The following REEP5 variants were observed in gnomAD, a reference collection of about 807,000 sequenced individuals.
REEP5 encodes the protein receptor accessory protein 5.
REEP5 carries 24 observed loss-of-function variants against 22.4 expected under a neutral mutation model. The ratio of observed to expected loss-of-function variants is 1.07; its 90% CI spans 0.78 to 1.51. The LOEUF (loss-of-function observed/expected upper bound fraction) is 1.51. Ranked by LOEUF, REEP5 falls within the 40% of genes most tolerant of loss-of-function variation. The probability of loss-of-function intolerance (pLI) is 0.00; values close to 1 mark genes in which losing one functional copy is unlikely to be tolerated. For missense variants in REEP5, 252 were observed against 233.0 expected (o/e 1.08, Z -0.53); for synonymous variants, 103 against 88.6 (o/e 1.16, Z -0.92).
intron 2 of REEP5, among the ~76,000 whole-genome samples, chr5:112,910,273 G>T (rs468783): frequency 0.36 from 54,090 of 151,946 alleles, 9,953 homozygotes; most frequent in African/African-American, 0.45. Context: ...CTGCACTCCA[G>T]CCTGGGCGAC....
chr5:112,890,316 A>G (rs1055897266), intron 3 of REEP5, among the ~76,000 whole-genome samples: 2 of 150,306 alleles, frequency 1.3e-5, no homozygotes, highest in Non-Finnish European at 2.9e-5. Flanking sequence ...GTTGATATAT[A>G]AAACAACCTA....
intron 2 of REEP5, among the ~76,000 whole-genome samples, chr5:112,908,101 G>GTTTTTT (rs1047059353): frequency 4.8e-5 from 4 of 83,890 alleles, no homozygotes; most frequent in Non-Finnish European, 1.1e-4. Flanking sequence ...TTTGTTTTTT[G>GTTTTTT]TTTTTTTTTT....
At chr5:112,909,678 A>G (rs1180546955) in intron 2 of REEP5, among the ~76,000 whole-genome samples, 1 of 152,206 alleles carries the variant, frequency 6.6e-6, no homozygotes, top group Non-Finnish European at 1.5e-5. Context: ...ATATATGAAC[A>G]CAACTCACTG....
chr5:112,888,461 C>A (rs933435575), intron 3 of REEP5, among the ~76,000 whole-genome samples: 2 of 152,218 alleles, frequency 1.3e-5, no homozygotes, highest in South Asian at 2.1e-4. Context: ...CTTGCTCTGT[C>A]ACCCAGGCTG....
intron 4 of REEP5, among the ~76,000 whole-genome samples, chr5:112,879,975 A>G (rs1580726261): frequency 6.6e-6 from 1 of 152,226 alleles, no homozygotes; most frequent in East Asian, 1.9e-4. Context: ...ACCTAATGCA[A>G]CATGAATGCT....
At chr5:112,918,981 CAG>C (rs1769289615) in intron 2 of REEP5, among the ~76,000 whole-genome samples, 1 of 152,230 alleles carries the variant, frequency 6.6e-6, no homozygotes, top group African/African-American at 2.4e-5. Flanking sequence ...TCAACAAGGA[CAG>C]AGAGTATGAC....
At position 112,922,083 on chromosome 5, in the gene REEP5, G is replaced by T; in HGVS notation, c.108C>A (p.Phe36Leu). ...CCCCCGGCCACCCACCAAGAGCGAT[G>T]AAGCTCCTGTTCACGCCGGTTTTGG... ...LEAKTGVNRSFIALGVIGLVA... is the reference protein window; with the variant it reads ...LEAKTGVNRSLIALGVIGLVA... Residue 36 changes from phenylalanine (F) to leucine (L), a missense_variant, in exon 1 of 5, where the codon TTC becomes TTA. Coordinates refer to ENST00000379638, the MANE Select transcript of REEP5 (RefSeq NM_005669.5). The T allele has an allele frequency of 1.2e-6, 2 of 1,600,138 alleles. No homozygotes were observed. Among genetic ancestry groups the T allele is most frequent in the South Asian group, 1.1e-5 (1 of 89,378 alleles).
rs1174131771 is a variant in REEP5 at position 112,877,102 on chromosome 5, T to C, written c.*1684A>G. 2.0e-5 allele frequency: 3 copies of C among 152,150 alleles called. No homozygotes were observed. The highest frequency in any genetic ancestry group is 2.9e-5 in the Non-Finnish European group (2 of 68,014). The allele number at this position is 152,150 out of a possible 1,614,324, so 9.4% of individuals were successfully genotyped here. ...AAAGTTGATTTTCTCCCAAGAACAA[T>C]TTTGTTTGCTTTCTACAAAGTTTTA... is the stretch of plus-strand genomic sequence containing the variant. On this transcript the variant is annotated 3_prime_UTR_variant, in exon 5 of 5. Transcript: ENST00000379638.
chr5:112,879,667 G>A (rs1768010339), intron 4 of REEP5, among the ~76,000 whole-genome samples: 1 of 151,766 alleles, frequency 6.6e-6, no homozygotes, highest in Non-Finnish European at 1.5e-5. Flanking sequence ...TAGTAGAGAT[G>A]GGGTTTCACT....
chr5:112,887,519 T>C (rs910126714), intron 3 of REEP5, among the ~76,000 whole-genome samples: 4 of 152,158 alleles, frequency 2.6e-5, no homozygotes, highest in African/African-American at 9.7e-5. Context: ...TTTAAGAAAA[T>C]ATAGTACTTA....
At chr5:112,910,817 C>T (rs567815187) in intron 2 of REEP5, among the ~76,000 whole-genome samples, 15 of 152,312 alleles carry the variant, frequency 9.8e-5, no homozygotes, top group Middle Eastern at 3.4e-3. Flanking sequence ...ATTAGCCAGT[C>T]CTTCCTACTC....
At chr5:112,894,411 C>CT (rs1345060668) in intron 3 of REEP5, 2 of 152,218 alleles carry the variant, frequency 1.3e-5, no homozygotes, top group Non-Finnish European at 2.9e-5. Context: ...CCACTGCACC[C>CT]TGCTGCCTTT....
At chr5:112,917,705 G>A (rs548075133) in intron 2 of REEP5, among the ~76,000 whole-genome samples, 11 of 152,250 alleles carry the variant, frequency 7.2e-5, no homozygotes, top group African/African-American at 2.4e-4. Context: ...CCCTCCAGAG[G>A]ACTCTTATTT....
intron 2 of REEP5, among the ~76,000 whole-genome samples, chr5:112,912,276 T>G (rs1430322113): frequency 6.6e-6 from 1 of 152,176 alleles, no homozygotes; most frequent in African/African-American, 2.4e-5. Flanking sequence ...TGTGCATGGT[T>G]CATAAGTAAC....
At position 112,917,875 on chromosome 5, in the gene REEP5, T is replaced by C. The variant is rs578023210; in HGVS notation, c.212+3288A>G. Among the ~76,000 whole-genome samples, 4 of 152,288 alleles carry C rather than the reference T, an allele frequency of 2.6e-5. No homozygotes were observed. The East Asian group carries it at 7.7e-4, about 29-fold the overall frequency. ...AGGAGGAATAGGGAGTGATTGGTGATGGTTTCCCTTTGGGGTGATAAAAAT... is the reference window on the plus strand; with the variant it reads ...AGGAGGAATAGGGAGTGATTGGTGACGGTTTCCCTTTGGGGTGATAAAAAT... On this transcript the variant is annotated intron_variant, in intron 2 of 4. Coordinates refer to ENST00000379638, the MANE Select transcript of REEP5 (RefSeq NM_005669.5).
chr5:112,880,999 C>T (rs1047662552), intron 4 of REEP5, among the ~76,000 whole-genome samples: 1 of 151,892 alleles, frequency 6.6e-6, no homozygotes, highest in Non-Finnish European at 1.5e-5. Flanking sequence ...CGTGGTGGCC[C>T]ACACCTGTAA....
intron 3 of REEP5, among the ~76,000 whole-genome samples, chr5:112,901,631 G>C (rs1410247133): frequency 6.6e-6 from 1 of 151,816 alleles, no homozygotes; most frequent in African/African-American, 2.4e-5. Flanking sequence ...ACAATCACTT[G>C]AACCCAGGAT....
At chr5:112,900,354 A>G (rs1768813111) in intron 3 of REEP5, among the ~76,000 whole-genome samples, 1 of 152,192 alleles carries the variant, frequency 6.6e-6, no homozygotes, top group African/African-American at 2.4e-5. Context: ...TGAATTTATC[A>G]AATCTTTTTC....
chr5:112,892,045 GAAAA>G, intron 3 of REEP5: 1 of 1,504,704 alleles, frequency 6.6e-7, no homozygotes, highest in Non-Finnish European at 9.3e-7. Flanking sequence ...GGAGAAGAAA[GAAAA>G]AGAGGAAGCT....
Sources: gnomAD v4.1 joint callset for allele counts (sites outside exome capture counted in the v4.1 genomes callset) on GRCh38, gnomAD v4.1.1 for gene constraint, MANE v1.5 for transcripts, NCBI Gene and HGNC (gene_info 2026-07-23, HGNC 2026-07-21) for gene names.